Variants in USP50 observed in about 807,000 individuals in gnomAD.
USP50 encodes ubiquitin carboxyl-terminal hydrolase 50.
USP50 carries 37 observed loss-of-function variants against 39.2 expected under a neutral mutation model. The ratio of observed to expected loss-of-function variants is 0.94; its 90% confidence interval spans 0.73 to 1.24. The LOEUF (loss-of-function observed/expected upper bound fraction) is 1.24. Among genes scored for constraint, USP50 ranks in the 50% most tolerant of loss-of-function variants. The pLI, the probability that USP50 is intolerant of heterozygous loss-of-function variation, is 0.00. For missense variants in USP50, 374 were observed against 398.2 expected, an observed-to-expected ratio of 0.94 and a Z score of 0.52; for synonymous variants, 139 against 144.5, an observed-to-expected ratio of 0.96 and a Z score of 0.27.
chr15:50,535,758 T>A (rs1218642666), intron 5 of USP50, among the ~76,000 whole-genome samples: 1 of 151,982 alleles, frequency 6.6e-6, no homozygotes, highest in Non-Finnish European at 1.5e-5. Context: ...TACAAAAAAA[T>A]TTTAAAAATT....
At chr15:50,501,933 A>G (rs764792077) in intron 6 of USP50, 2 of 152,194 alleles carry the variant, frequency 1.3e-5, no homozygotes, top group South Asian at 2.1e-4. Context: ...ATGGGAACAC[A>G]GTCATGCTCA....
chr15:50,498,431 G>A (rs2052496696), downstream of USP50: 5 of 882,852 alleles, frequency 5.7e-6, no homozygotes, highest in Non-Finnish European at 8.1e-6. Context: ...TTGTAAAATG[G>A]AAATGAAGCC....
chr15:50,498,791 G>A, downstream of USP50: 1 of 1,555,726 alleles, frequency 6.4e-7, no homozygotes, highest in Non-Finnish European at 8.7e-7. Context: ...AGTTTTAAGT[G>A]GTTTCCTACC....
At chr15:50,509,949 A>G (rs1411572494) in intron 6 of USP50, 1 of 152,138 alleles carries the variant, frequency 6.6e-6, no homozygotes. Flanking sequence ...TGACTTAGGG[A>G]ATAATGATGG....
intron 5 of USP50, among the ~76,000 whole-genome samples, chr15:50,531,568 C>G (rs564990401): frequency 2.0e-4 from 30 of 152,180 alleles, no homozygotes; most frequent in Admixed American, 1.6e-3. Context: ...CATGAGATAA[C>G]TTTTTGGGGT....
At chr15:50,506,089 T>TTTAGTAA (rs2141344667) in intron 6 of USP50, 1 of 152,364 alleles carries the variant, frequency 6.6e-6, no homozygotes, top group African/African-American at 2.4e-5. Flanking sequence ...AAGCTGTCGT[T>TTTAGTAA]TTTTAGCATA....
chr15:50,493,036 G>A, downstream of USP50: 1 of 1,036,362 alleles, frequency 9.6e-7, no homozygotes, highest in Non-Finnish European at 1.5e-6. Context: ...AATTTGTAAA[G>A]AACAAAAATT....
chr15:50,529,484 CCT>C (rs759831225), intron 6 of USP50, among the ~76,000 whole-genome samples: 22 of 152,076 alleles, frequency 1.4e-4, no homozygotes, highest in Non-Finnish European at 2.5e-4. Flanking sequence ...AGAGCAAGGC[CCT>C]GTCTCAGAAA....
rs545092388 is a variant in USP50 at position 50,543,568 on chromosome 15, T to C, written c.444+30A>G. 811 of 1,585,010 alleles carry C rather than the reference T, an allele frequency of 5.1e-4. 7 individuals carry two copies. The South Asian group carries it at 8.2e-3, about 16-fold the overall frequency. Reference sequence around the variant, plus strand: ...AGCTGCTGATAAAGGTTCAGGACTATCCTATTTCAAGGTCATTAACTCTAC... The same window carrying C: ...AGCTGCTGATAAAGGTTCAGGACTACCCTATTTCAAGGTCATTAACTCTAC... On this transcript the variant is annotated intron_variant, in intron 3 of 6. Coordinates refer to ENST00000532404, the MANE Select transcript of USP50 (RefSeq NM_203494.5).
At chr15:50,528,765 G>A (rs777597987) in intron 6 of USP50, among the ~76,000 whole-genome samples, 1 of 152,194 alleles carries the variant, frequency 6.6e-6, no homozygotes, top group South Asian at 2.1e-4. Flanking sequence ...TCTGAGAGCT[G>A]CTAATGAGGA....
intron 5 of USP50, among the ~76,000 whole-genome samples, chr15:50,536,656 T>C (rs755162091): frequency 6.6e-6 from 1 of 151,960 alleles, no homozygotes; most frequent in Non-Finnish European, 1.5e-5. Context: ...AATTTTAATT[T>C]AATTTAAAAT....
chr15:50,541,365 T>G, intron 3 of USP50, 101 bp from the exon 4 acceptor site: 1 of 924,842 alleles, frequency 1.1e-6, no homozygotes, highest in Non-Finnish European at 1.6e-6. Flanking sequence ...AACAAAAAAT[T>G]AGCTAGGCAT....
chr15:50,508,665 A>AT (rs549568479), intron 6 of USP50: 1 of 152,226 alleles, frequency 6.6e-6, no homozygotes, highest in Non-Finnish European at 1.5e-5. Flanking sequence ...AATACAGAAG[A>AT]TTTAAAAAAA....
intron 6 of USP50, chr15:50,504,861 A>T (rs2052636917): frequency 6.6e-6 from 1 of 152,216 alleles, no homozygotes; most frequent in Admixed American, 6.5e-5. Context: ...GTGCACCTGT[A>T]ATCCCAGCTA....
At chr15:50,493,531 T>C (rs924440391), downstream of USP50, 9 of 515,772 alleles carry the variant, frequency 1.7e-5, no homozygotes, top group Non-Finnish European at 3.5e-5. Flanking sequence ...CGTGGGCAGA[T>C]CACTTGGGGC....
At chr15:50,520,772 TA>T (rs1246009814) in intron 6 of USP50, among the ~76,000 whole-genome samples, 1 of 152,118 alleles carries the variant, frequency 6.6e-6, no homozygotes, top group Non-Finnish European at 1.5e-5. Flanking sequence ...ATGTGAGGCC[TA>T]AAAAAAGTTC....
intron 3 of USP50, among the ~76,000 whole-genome samples, chr15:50,541,532 T>A (rs1315279479): frequency 6.6e-6 from 1 of 152,050 alleles, no homozygotes; most frequent in Non-Finnish European, 1.5e-5. Flanking sequence ...AGGAAAAGTT[T>A]TCAATAAAAT....
chr15:50,495,744 C>A, downstream of USP50: 1 of 879,146 alleles, frequency 1.1e-6, no homozygotes, highest in Non-Finnish European at 1.7e-6. Flanking sequence ...ATGAGAACTA[C>A]AGGTGTTTCT....
At chr15:50,526,954 A>C (rs2052902784) in intron 6 of USP50, among the ~76,000 whole-genome samples, 2 of 152,230 alleles carry the variant, frequency 1.3e-5, no homozygotes, top group African/African-American at 4.8e-5. Flanking sequence ...CATAATAAAC[A>C]CTATGTAAGT....
Sources: allele counts gnomAD v4.1 joint callset (sites outside exome capture counted in the v4.1 genomes callset), GRCh38; gene constraint gnomAD v4.1.1; transcripts MANE v1.5; gene names NCBI Gene and HGNC (gene_info 2026-07-23, HGNC 2026-07-21).